The following FOXN3 variants were observed in gnomAD, a reference collection of about 807,000 sequenced individuals.
FOXN3 encodes forkhead box N3.
Under a neutral mutation model 38.4 loss-of-function variants are expected in FOXN3, and 7 were observed. The observed-to-expected ratio is 0.18, with a 90% CI of 0.10 to 0.34. FOXN3 has a LOEUF of 0.34. FOXN3 is among the 10% of genes least tolerant of loss of function. The pLI, the probability that FOXN3 is intolerant of heterozygous loss-of-function variation, is 1.00. For missense variants in FOXN3, 456 were observed against 613.4 expected, an observed-to-expected ratio of 0.74 and a Z score of 2.71; for synonymous variants, 230 against 242.2, an observed-to-expected ratio of 0.95 and a Z score of 0.47.
intron 4 of FOXN3, among the ~76,000 whole-genome samples, chr14:89,248,529 T>A (rs1885361597): frequency 6.6e-6 from 1 of 152,250 alleles, no homozygotes; most frequent in Non-Finnish European, 1.5e-5. Flanking sequence ...TAAAAGCTGC[T>A]GTATTTACAG....
At chr14:89,254,477 G>A (rs1885557448) in intron 4 of FOXN3, among the ~76,000 whole-genome samples, 1 of 152,188 alleles carries the variant, frequency 6.6e-6, no homozygotes, top group African/African-American at 2.4e-5. Context: ...AGCTCGGAGT[G>A]TGGCTGCTCA....
intron 4 of FOXN3, among the ~76,000 whole-genome samples, chr14:89,272,700 A>G (rs533859804): frequency 4.0e-4 from 61 of 152,158 alleles, no homozygotes; most frequent in Non-Finnish European, 6.2e-4. Context: ...TAAGAATACA[A>G]AAATTAGCCG....
chr14:89,615,116 A>ATTTTTTTTTTTTTTTTTT (rs374606775), intron 1 of FOXN3, among the ~76,000 whole-genome samples: 1 of 106,784 alleles, frequency 9.4e-6, no homozygotes. Flanking sequence ...CCCAATTTCG[A>ATTTTTTTTTTTTTTTTTT]TTTTTTTTTT....
At chr14:89,410,690 T>C (rs754066853) in intron 2 of FOXN3, among the ~76,000 whole-genome samples, 2 of 152,012 alleles carry the variant, frequency 1.3e-5, no homozygotes, top group Non-Finnish European at 2.9e-5. Flanking sequence ...CTGGGCAGCA[T>C]GGTGAGACAC....
intron 1 of FOXN3, among the ~76,000 whole-genome samples, chr14:89,521,351 TGATAGATAGAG>T (rs1408066681): frequency 1.1e-5 from 1 of 91,236 alleles, no homozygotes; most frequent in Admixed American, 1.0e-4. Flanking sequence ...TCTTCATAGA[TGATAGATAGAG>T]AGAGAGAGAG....
intron 1 of FOXN3, among the ~76,000 whole-genome samples, chr14:89,542,244 A>G (rs921522751): frequency 6.6e-5 from 10 of 152,246 alleles, no homozygotes; most frequent in African/African-American, 2.4e-4. Context: ...CGATATTATT[A>G]TCTTTAAAGC....
chr14:89,318,005 T>C (rs897827653), intron 3 of FOXN3, among the ~76,000 whole-genome samples: 3 of 151,194 alleles, frequency 2.0e-5, no homozygotes, highest in Non-Finnish European at 4.4e-5. Flanking sequence ...AAAAACTGTC[T>C]TCCATGAAAC....
At chr14:89,323,993 T>C (rs1407950499) in intron 3 of FOXN3, among the ~76,000 whole-genome samples, 2 of 152,176 alleles carry the variant, frequency 1.3e-5, no homozygotes, top group East Asian at 1.9e-4. Flanking sequence ...AGTTTCCTTG[T>C]GGTGCCCTGG....
intron 1 of FOXN3, among the ~76,000 whole-genome samples, chr14:89,542,516 G>A (rs411064): frequency 0.83 from 125,773 of 152,186 alleles, 52,321 homozygotes; most frequent in African/African-American, 0.9. Flanking sequence ...ACAAATAAAC[G>A]CAACCTGAGG....
At chr14:89,539,993 C>T (rs1311423932) in intron 1 of FOXN3, among the ~76,000 whole-genome samples, 1 of 152,200 alleles carries the variant, frequency 6.6e-6, no homozygotes. Context: ...ATTACAAAAA[C>T]AGTGCCCTCG....
chr14:89,270,687 C>T (rs2139903736), intron 4 of FOXN3, among the ~76,000 whole-genome samples: 1 of 152,324 alleles, frequency 6.6e-6, no homozygotes, highest in South Asian at 2.1e-4. Context: ...ATGGCACCTG[C>T]TCTTGGAGCA....
chr14:89,567,752 T>G (rs1256309919), intron 1 of FOXN3, among the ~76,000 whole-genome samples: 1 of 142,560 alleles, frequency 7.0e-6, no homozygotes, highest in African/African-American at 2.7e-5. Context: ...AGACAGAGTC[T>G]CGCTCTGTCT....
chr14:89,415,604 C>CAAAAAAAAAAAAAAAAAAAAA (rs34026101), intron 1 of FOXN3, among the ~76,000 whole-genome samples: 3 of 54,272 alleles, frequency 5.5e-5, no homozygotes, highest in African/African-American at 1.1e-4. Flanking sequence ...CAACAATAAC[C>CAAAAAAAAAAAAAAAAAAAAA]AAAAAAAAAA....
chr14:89,353,916 G>C (rs1391155941), intron 2 of FOXN3: 2 of 151,430 alleles, frequency 1.3e-5, no homozygotes, highest in Non-Finnish European at 2.9e-5. Context: ...TTTAAGGAAA[G>C]AGATGGGGTT....
intron 2 of FOXN3, among the ~76,000 whole-genome samples, chr14:89,408,829 T>C (rs1490091599): frequency 6.6e-6 from 1 of 152,162 alleles, no homozygotes; most frequent in African/African-American, 2.4e-5. Context: ...CAGGTGCATT[T>C]AGTCACTGTG....
chr14:89,578,701 T>G (rs1301257920), intron 1 of FOXN3, among the ~76,000 whole-genome samples: 1 of 152,202 alleles, frequency 6.6e-6, no homozygotes, highest in Non-Finnish European at 1.5e-5. Flanking sequence ...CTGTTGCCTC[T>G]GCTTCCAAAC....
intron 2 of FOXN3, among the ~76,000 whole-genome samples, chr14:89,390,469 G>A (rs1302923392): frequency 6.9e-6 from 1 of 144,090 alleles, no homozygotes; most frequent in African/African-American, 2.5e-5. Context: ...TATGTTCAGG[G>A]ATTTTCTCTA....
intron 1 of FOXN3, among the ~76,000 whole-genome samples, chr14:89,614,611 C>T (rs1229851597): frequency 6.6e-6 from 1 of 152,216 alleles, no homozygotes; most frequent in African/African-American, 2.4e-5. Context: ...AAGGTCTTCT[C>T]TAGAGAACAT....
intron 4 of FOXN3, among the ~76,000 whole-genome samples, chr14:89,274,553 C>T (rs1886243477): frequency 2.0e-5 from 3 of 152,044 alleles, no homozygotes; most frequent in Non-Finnish European, 2.9e-5. Context: ...AAACACATCT[C>T]GCAGGCCCAT....
Sources: gnomAD v4.1 joint callset for allele counts (sites outside exome capture counted in the v4.1 genomes callset) on GRCh38, gnomAD v4.1.1 for gene constraint, MANE v1.5 for transcripts, NCBI Gene and HGNC (gene_info 2026-07-23, HGNC 2026-07-21) for gene names.